ARSG: variants seen among roughly 807,000 people sequenced by gnomAD.
The protein encoded by ARSG is ASG.
ARSG carries 37 observed loss-of-function variants against 50.5 expected under a neutral mutation model. That is an observed-to-expected ratio of 0.73 (90% CI 0.56 to 0.96). The LOEUF (loss-of-function observed/expected upper bound fraction) is 0.96. Among genes scored for constraint, ARSG ranks in the 50% least tolerant of loss-of-function variants. The pLI, the probability that ARSG is intolerant of heterozygous loss-of-function variation, is 0.00. For synonymous variants in ARSG, 225 were observed against 254.6 expected (o/e 0.88, Z 1.11); for missense variants, 629 against 675.3 (o/e 0.93, Z 0.76).
rs761100309 is a variant in ARSG, at chr17:68,385,061, CAG to C, written c.983-2_983-1del. The C allele has an allele frequency of 5.0e-6, 8 of 1,612,858 alleles. 1 individual carries two copies. The highest frequency in any genetic ancestry group is 1.7e-5 in the Admixed American group (1 of 59,986). On this transcript the variant is annotated splice_acceptor_variant, in intron 8 of 11. Coordinates refer to ENST00000621439, the MANE Select transcript of ARSG (RefSeq NM_001267727.2). LOFTEE classifies it high-confidence loss of function. Reference sequence around the variant, plus strand: ...GAACCAGCTGCCTCCCCTCCTCTCACAGGGGGAAGTCCAGCCAAGCAGACGAC... The same window carrying C: ...GAACCAGCTGCCTCCCCTCCTCTCACGGGGAAGTCCAGCCAAGCAGACGAC...
chr17:68,382,384 A>T (rs2080479031), intron 8 of ARSG, among the ~76,000 whole-genome samples: 1 of 152,262 alleles, frequency 6.6e-6, no homozygotes, highest in Non-Finnish European at 1.5e-5. Flanking sequence ...TAATGCCAGG[A>T]AGCATGTATC....
chr17:68,428,516 A>G, the ARSG span: 1 of 237,930 alleles, frequency 4.2e-6, no homozygotes, highest in Non-Finnish European at 8.4e-6. Flanking sequence ...TACAGGTGTG[A>G]GCCGCCACAC....
At chr17:68,389,472 A>G (rs1365704398) in intron 9 of ARSG, among the ~76,000 whole-genome samples, 5 of 151,256 alleles carry the variant, frequency 3.3e-5, no homozygotes, top group African/African-American at 1.2e-4. Flanking sequence ...AGGCGTGGGC[A>G]CCTCACTTTT....
upstream of ARSG, among the ~76,000 whole-genome samples, chr17:68,290,831 G>A (rs983932370): frequency 6.6e-6 from 1 of 152,170 alleles, no homozygotes; most frequent in Non-Finnish European, 1.5e-5. Context: ...TATCTTCCGG[G>A]ACCCAACTGT....
the ARSG span, among the ~76,000 whole-genome samples, chr17:68,447,984 CAAAAAAAAAAAAA>C: frequency 2.5e-5 from 2 of 80,284 alleles, no homozygotes; most frequent in Non-Finnish European, 4.9e-5. Context: ...GACTCTATCT[CAAAAAAAAAAAAA>C]AAAAAAAAAG....
Position 68,378,259 on chromosome 17 carries a change from C to T in ARSG, c.983-6805C>T, listed in dbSNP as rs1372952987. Among the ~76,000 whole-genome samples the T allele has an allele frequency of 6.6e-6, 1 of 152,214 alleles. No homozygotes were observed. Among genetic ancestry groups the T allele is most frequent in the Non-Finnish European group, 1.5e-5 (1 of 68,034 alleles). On this transcript the variant is annotated intron_variant, in intron 8 of 11. Transcript: ENST00000621439. The surrounding 1 kb of genome is among the most constrained non-coding windows in gnomAD (Gnocchi z 4.4). ...AAAGAGAGAAGGCGGTCAATGTTTT[C>T]GCAACGGAGTAGGACAAACAGTACC...
intron 9 of ARSG, among the ~76,000 whole-genome samples, chr17:68,394,227 C>T (rs1024206387): frequency 6.6e-6 from 1 of 152,044 alleles, no homozygotes. Flanking sequence ...CCTCAAACTG[C>T]AAAAGTTATG....
chr17:68,315,268 G>A (rs1485102706), intron 2 of ARSG, among the ~76,000 whole-genome samples: 1 of 152,164 alleles, frequency 6.6e-6, no homozygotes, highest in East Asian at 1.9e-4. Context: ...GAGGCCAGGC[G>A]TGGTGGTTCA....
chr17:68,350,684 C>T (rs1228754072), intron 4 of ARSG, among the ~76,000 whole-genome samples: 1 of 152,142 alleles, frequency 6.6e-6, no homozygotes, highest in Admixed American at 6.6e-5. Flanking sequence ...ACTCAGGAGG[C>T]TGAGGCAGGA....
chr17:68,365,848 C>A (rs879326548), intron 6 of ARSG, among the ~76,000 whole-genome samples: 1 of 152,154 alleles, frequency 6.6e-6, no homozygotes, highest in Non-Finnish European at 1.5e-5. Context: ...ATGTAAATAA[C>A]CCCATGAGCC....
chr17:68,293,102 G>A (rs1041541598), intron 1 of ARSG, among the ~76,000 whole-genome samples: 1 of 152,150 alleles, frequency 6.6e-6, no homozygotes, highest in African/African-American at 2.4e-5. Context: ...GTGAGAGAGA[G>A]CCCTTTTTTG....
rs201370981 is a variant in ARSG, at chr17:68,269,074, G to C, written c.-552+9648G>C. 5.1e-4 allele frequency: 808 copies of C among 1,571,204 alleles called. 9 individuals are homozygous for C. The highest frequency in any genetic ancestry group is 5.9e-4 in the Non-Finnish European group (690 of 1,159,970). On this transcript the variant is annotated intron_variant, in intron 1 of 11. Transcript: ENST00000448504. ...CCATCCCTCTCCAGCCAACACAGTG[G>C]CTGTTGTTGTAAGAAAGTGTGTCAT...
At chr17:68,426,006 C>T (rs1358217984), downstream of ARSG, 14 of 1,235,042 alleles carry the variant, frequency 1.1e-5, no homozygotes, top group African/African-American at 3.0e-5. Flanking sequence ...CTCTGCCTCT[C>T]GTATGAGGCG....
chr17:68,419,174 C>G (rs943566764), intron 11 of ARSG, among the ~76,000 whole-genome samples: 1 of 152,106 alleles, frequency 6.6e-6, no homozygotes, highest in Non-Finnish European at 1.5e-5. Context: ...GACTCACCTG[C>G]CTTTCTACTT....
the ARSG span, among the ~76,000 whole-genome samples, chr17:68,429,179 C>T: frequency 1.3e-5 from 2 of 151,526 alleles, no homozygotes; most frequent in African/African-American, 2.4e-5. Context: ...GTAGATGCTG[C>T]GACCCTGCGA....
chr17:68,294,878 G>A (rs781819957), intron 1 of ARSG, among the ~76,000 whole-genome samples: 1 of 152,106 alleles, frequency 6.6e-6, no homozygotes, highest in Admixed American at 6.6e-5. Context: ...TTGTAGGAAG[G>A]CAGGGCCCTT....
chr17:68,444,900 C>G, the ARSG span, among the ~76,000 whole-genome samples: 328 of 148,090 alleles, frequency 2.2e-3, 2 homozygotes, highest in Non-Finnish European at 3.8e-3. Context: ...TTCCTTAGAA[C>G]AGGGATCCTG....
chr17:68,360,594 G>C (rs113005967), intron 6 of ARSG, among the ~76,000 whole-genome samples: 1 of 152,226 alleles, frequency 6.6e-6, no homozygotes, highest in African/African-American at 2.4e-5. Flanking sequence ...TGGTAGCAAT[G>C]CTGAATGCTA....
chr17:68,421,864 G>A, downstream of ARSG: 1 of 1,613,182 alleles, frequency 6.2e-7, no homozygotes. Context: ...CTCAGGAAGA[G>A]GCTGGTAGGC....
Sources: gnomAD v4.1 joint callset for allele counts (sites outside exome capture counted in the v4.1 genomes callset) on GRCh38, gnomAD v4.1.1 for gene constraint, Gnocchi (gnomAD v3.1) non-coding constraint, MANE v1.5 for transcripts, NCBI Gene and HGNC (gene_info 2026-07-23, HGNC 2026-07-21) for gene names.